RAB6B: variants seen among roughly 807,000 people sequenced by gnomAD.
RAB6B encodes the protein RAB6B, member RAS oncogene family, also known as ras-related protein Rab-6B.
Under a neutral mutation model 31.2 loss-of-function variants are expected in RAB6B, and 7 were observed. The observed-to-expected ratio is 0.22, with a 90% CI of 0.13 to 0.42. The LOEUF is 0.42. Ranked by LOEUF, RAB6B falls within the 10% of genes least tolerant of loss-of-function variation. RAB6B has a pLI of 1.00. For synonymous variants in RAB6B, 105 were observed against 104.9 expected (o/e 1.00, Z -0.01); for missense variants, 149 against 280.6 (o/e 0.53, Z 3.35).
chr3:133,832,612 T>A (rs2692667), intron 7 of RAB6B, among the ~76,000 whole-genome samples: 1 of 152,130 alleles, frequency 6.6e-6, no homozygotes, highest in Non-Finnish European at 1.5e-5. Context: ...CAACACCCCA[T>A]CCCGAAAGAA....
chr3:133,893,709 C>T (rs888676848), intron 1 of RAB6B, among the ~76,000 whole-genome samples: 1 of 152,146 alleles, frequency 6.6e-6, no homozygotes, highest in African/African-American at 2.4e-5. Context: ...GAAAGTGAGT[C>T]ACAGAGAGGC....
chr3:133,829,773 T>C (rs530555871), intron 7 of RAB6B, among the ~76,000 whole-genome samples: 1 of 152,314 alleles, frequency 6.6e-6, no homozygotes, highest in Non-Finnish European at 1.5e-5. Flanking sequence ...TCTCCTGAAG[T>C]TCACATTCTC....
intron 2 of RAB6B, among the ~76,000 whole-genome samples, chr3:133,856,322 C>A (rs754572629): frequency 1.3e-5 from 2 of 151,966 alleles, no homozygotes; most frequent in Admixed American, 6.5e-5. Flanking sequence ...AGTGGTGGTA[C>A]ACCAGGCCCC....
chr3:133,867,558 G>A (rs953640265), intron 1 of RAB6B, among the ~76,000 whole-genome samples: 26 of 152,276 alleles, frequency 1.7e-4, no homozygotes, highest in Middle Eastern at 3.4e-3. Flanking sequence ...GTTCTTATCC[G>A]GGTACTCCTT....
rs1456537150 is a variant in RAB6B, at chr3:133,865,212, T to A, written c.71-570A>T. Among the ~76,000 whole-genome samples, 6 of 152,188 alleles carry A rather than the reference T, an allele frequency of 3.9e-5. 1 individual carries two copies. Among genetic ancestry groups the A allele is most frequent in the Non-Finnish European group, 8.8e-5 (6 of 68,036 alleles). On this transcript the variant is annotated intron_variant, in intron 1 of 7. Transcript: ENST00000285208. ...TGACCGTCCAGCTCATTGCAGGATG[T>A]TTAGCATACCTGGAACCCCGCTAGG...
At chr3:133,837,087 G>A (rs554802066) in intron 6 of RAB6B, among the ~76,000 whole-genome samples, 135 of 151,938 alleles carry the variant, frequency 8.9e-4, no homozygotes, top group Admixed American at 1.4e-3. Context: ...CCCATACCTC[G>A]GGCACCCTGC....
At chr3:133,853,537 A>C (rs1037435965) in intron 2 of RAB6B, among the ~76,000 whole-genome samples, 1 of 151,776 alleles carries the variant, frequency 6.6e-6, no homozygotes, top group Non-Finnish European at 1.5e-5. Context: ...AGGAGCTACC[A>C]TGCACCCTGC....
In RAB6B at chr3:133,828,786, C is replaced by T; in HGVS notation, c.*2G>A. The T allele has an allele frequency of 1.9e-6, 3 of 1,608,566 alleles. No individual in the cohort carries two copies. The highest frequency in any genetic ancestry group is 2.6e-6 in the Non-Finnish European group (3 of 1,175,500). Reference sequence around the variant, plus strand: ...CATGGGAAGCCACAGGTCGGCTCTGCATTAGCAGGAGCAGCCGCCCTCGCT... The same window carrying T: ...CATGGGAAGCCACAGGTCGGCTCTGTATTAGCAGGAGCAGCCGCCCTCGCT... On this transcript the variant is annotated 3_prime_UTR_variant, in exon 8 of 8. Transcript: ENST00000285208.
At chr3:133,888,779 T>G (rs1489247141) in intron 1 of RAB6B, among the ~76,000 whole-genome samples, 2 of 152,296 alleles carry the variant, frequency 1.3e-5, no homozygotes, top group East Asian at 3.9e-4. Flanking sequence ...CTAGGAGTCC[T>G]TAAGAGTTGT....
rs936844410 is a variant in RAB6B at position 133,879,288 on chromosome 3, T to C, written c.71-14646A>G. ...CACACATCCATGTTTCTTAGATTCC[T>C]AGCACATTCAGAAAATGGCTTGTTC... On this transcript the variant is annotated intron_variant, in intron 1 of 7. Transcript: ENST00000285208. Among the ~76,000 whole-genome samples the C allele has an allele frequency of 3.3e-4, 50 of 152,380 alleles. 1 individual carries two copies. Among genetic ancestry groups the C allele is most frequent in the Middle Eastern group, 3.4e-3 (1 of 294 alleles).
rs1197611060 is a variant in RAB6B at position 133,828,481 on chromosome 3, A to G, written c.*307T>C. The G allele has an allele frequency of 9.3e-6, 4 of 432,068 alleles. No individual in the cohort carries two copies. The highest frequency in any genetic ancestry group is 2.1e-5 in the African/African-American group (1 of 48,538). The allele number at this position is 432,068 out of a possible 1,614,324, so 26.8% of individuals were successfully genotyped here. On this transcript the variant is annotated 3_prime_UTR_variant, in exon 8 of 8. Transcript: ENST00000285208. ...TTCAAATAAAAATGACTACATTTTT[A>G]TCTGGCAAAAAATTGTATACACATG...
intron 7 of RAB6B, among the ~76,000 whole-genome samples, chr3:133,830,328 T>C (rs1935638066): frequency 6.6e-6 from 1 of 152,240 alleles, no homozygotes; most frequent in Non-Finnish European, 1.5e-5. Flanking sequence ...CACACTCTGC[T>C]ACAGAAACAA....
At chr3:133,895,118 G>C (rs1936689792) in intron 1 of RAB6B, among the ~76,000 whole-genome samples, 1 of 152,112 alleles carries the variant, frequency 6.6e-6, no homozygotes, top group Non-Finnish European at 1.5e-5. Context: ...GCCAGCCGCC[G>C]CCCTCCGGGC....
At chr3:133,879,964 A>G (rs751419526) in intron 1 of RAB6B, among the ~76,000 whole-genome samples, 1 of 152,204 alleles carries the variant, frequency 6.6e-6, no homozygotes, top group Non-Finnish European at 1.5e-5. Flanking sequence ...GGCAGAATAC[A>G]GTCTATTTCA....
chr3:133,831,140 C>A (rs1172379970), intron 7 of RAB6B, among the ~76,000 whole-genome samples: 1 of 152,192 alleles, frequency 6.6e-6, no homozygotes, highest in African/African-American at 2.4e-5. Context: ...CACTGCACAG[C>A]AATAGTTCTC....
In RAB6B at chr3:133,827,648, C is replaced by T. The variant is rs1935587081; in HGVS notation, c.*1140G>A. On this transcript the variant is annotated 3_prime_UTR_variant, in exon 8 of 8. Coordinates refer to ENST00000285208, the MANE Select transcript of RAB6B (RefSeq NM_016577.4). ...CTGCGCCATGCCACTGGGGTGAAAA[C>T]ATAGCAACAAATCAGCTTTTCCAGA... 1.9e-6 allele frequency: 1 copy of T among 540,026 alleles called. No homozygotes were observed. Among genetic ancestry groups the T allele is most frequent in the Non-Finnish European group, 3.3e-6 (1 of 303,500 alleles). The allele number at this position is 540,026 out of a possible 1,614,324, so 33.5% of individuals were successfully genotyped here. A position where few individuals can be genotyped will look rare whatever the true frequency, so the allele number is the denominator to read the frequency against.
intron 7 of RAB6B, among the ~76,000 whole-genome samples, chr3:133,834,231 T>C (rs377709052): frequency 6.6e-6 from 1 of 152,292 alleles, no homozygotes; most frequent in Middle Eastern, 3.4e-3. Context: ...GAGACTTCCC[T>C]GCAGTGGAGA....
At chr3:133,853,752 T>C (rs1576399332) in intron 2 of RAB6B, among the ~76,000 whole-genome samples, 1 of 152,180 alleles carries the variant, frequency 6.6e-6, no homozygotes, top group Admixed American at 6.5e-5. Flanking sequence ...TCATCTCTAA[T>C]ACATGAAAAG....
chr3:133,826,263 C>G lies in RAB6B; in HGVS notation c.*2525G>C, dbSNP rs571447377. 4 of 152,230 alleles carry G rather than the reference C, an allele frequency of 2.6e-5. No individual in the cohort carries two copies. The highest frequency in any genetic ancestry group is 5.9e-5 in the Non-Finnish European group (4 of 68,064). The allele number at this position is 152,230 out of a possible 1,614,324, so 9.4% of individuals were successfully genotyped here. A position where few individuals can be genotyped will look rare whatever the true frequency, so the allele number is the denominator to read the frequency against. On this transcript the variant is annotated 3_prime_UTR_variant, in exon 8 of 8. Transcript: ENST00000285208. Reference sequence around the variant, plus strand: ...TGTGTGCATGCTAGGAAAGGCAGGACTCACTAAGGCCATGTCAAACCAAAT... The same window carrying G: ...TGTGTGCATGCTAGGAAAGGCAGGAGTCACTAAGGCCATGTCAAACCAAAT...
Sources: gnomAD v4.1 joint callset for allele counts (sites outside exome capture counted in the v4.1 genomes callset) on GRCh38, gnomAD v4.1.1 for gene constraint, MANE v1.5 for transcripts, NCBI Gene and HGNC (gene_info 2026-07-23, HGNC 2026-07-21) for gene names.